The following TMEM245 variants were observed in gnomAD, a reference collection of about 807,000 sequenced individuals.
TMEM245 encodes the protein transmembrane protein 245.
A neutral mutation model predicts 101.2 loss-of-function variants in TMEM245; 69 were observed. The observed-to-expected ratio is 0.68, with a 90% CI of 0.56 to 0.83. TMEM245 has a LOEUF of 0.83. Ranked by LOEUF, TMEM245 falls within the 40% of genes least tolerant of loss-of-function variation. The pLI, the probability that TMEM245 is intolerant of heterozygous loss-of-function variation, is 0.00. For missense variants in TMEM245, 1,075 were observed against 1,092.8 expected (o/e 0.98, Z 0.23); for synonymous variants, 537 against 449.8 (o/e 1.19, Z -2.45).
At chr9:109,078,135 T>C (rs1031528871) in intron 8 of TMEM245, among the ~76,000 whole-genome samples, 1 of 152,238 alleles carries the variant, frequency 6.6e-6, no homozygotes, top group Non-Finnish European at 1.5e-5. Flanking sequence ...CAAGTTAATA[T>C]TGACTTATAT....
At chr9:109,054,638 A>C (rs761502501) in intron 12 of TMEM245, among the ~76,000 whole-genome samples, 3 of 152,190 alleles carry the variant, frequency 2.0e-5, no homozygotes, top group Non-Finnish European at 2.9e-5. Flanking sequence ...AAAACTGACA[A>C]AGCAAATAAA....
rs201115413 is a variant in TMEM245 at position 109,073,344 on chromosome 9, C to T, written c.1532+12G>A. 507 of 1,603,544 alleles carry T rather than the reference C, an allele frequency of 3.2e-4. 1 individual carries two copies. The African/African-American group carries it at 5.7e-3, about 18-fold the overall frequency. On this transcript the variant is annotated intron_variant, in intron 9 of 17. Coordinates refer to ENST00000374586, the MANE Select transcript of TMEM245 (RefSeq NM_032012.4). ...CATTCATCTCTCTTCTTTTTCAAAA[C>T]AATATTCTTACTTTGCCCACTCAGG...
At position 109,033,364 on chromosome 9, in the gene TMEM245, C is replaced by G; in HGVS notation, c.2537G>C (p.Ser846Thr). Residue 846 changes from serine to threonine, a missense_variant, in exon 17 of 18, where the codon AGT (serine) becomes ACT (threonine). Physicochemically the swap from Ser to Thr is moderately conservative, Grantham distance 58. Around this residue, in one of 2 missense-constraint regions of TMEM245, gnomAD observed 267 missense variants for 351.3 expected, o/e 0.76. Coordinates refer to ENST00000374586, the MANE Select transcript of TMEM245 (RefSeq NM_032012.4). ...TGGCGTGGGAACTGAATTCGTGGGACTCACTAGCATGGCACTATAGATATT... is the reference window on the plus strand; with the variant it reads ...TGGCGTGGGAACTGAATTCGTGGGAGTCACTAGCATGGCACTATAGATATT... ...ASNIYSAMLV[S>T]PTNSVPTPNQ... 1 of 1,613,868 alleles carries G rather than the reference C, an allele frequency of 6.2e-7. No homozygotes were observed. Among genetic ancestry groups the G allele is most frequent in the Non-Finnish European group, 8.5e-7 (1 of 1,179,912 alleles).
At chr9:109,103,976 T>C (rs905134917) in intron 3 of TMEM245, among the ~76,000 whole-genome samples, 3 of 151,742 alleles carry the variant, frequency 2.0e-5, no homozygotes, top group Admixed American at 6.6e-5. Context: ...TCCCAGCTAC[T>C]CGGGAGGCTG....
chr9:109,072,164 GAA>G (rs1288761403), intron 9 of TMEM245, among the ~76,000 whole-genome samples: 1 of 152,156 alleles, frequency 6.6e-6, no homozygotes, highest in South Asian at 2.1e-4. Flanking sequence ...CCTCTGAGTA[GAA>G]AAGTCTCCGA....
rs781550835 is a variant in TMEM245, at chr9:109,015,278, T to C, written c.*5182A>G. On this transcript the variant is annotated 3_prime_UTR_variant, in exon 18 of 18. Coordinates refer to ENST00000374586, the MANE Select transcript of TMEM245 (RefSeq NM_032012.4). ...TTTGTGTGAGAACAGAGGGTATTTA[T>C]TGTATTCGAATATTCTTTTTTACTT... The C allele has an allele frequency of 2.0e-5, 3 of 152,222 alleles. No homozygotes were observed. Among genetic ancestry groups the C allele is most frequent in the Non-Finnish European group, 4.4e-5 (3 of 68,036 alleles). 9.4% of individuals were successfully genotyped at this position (152,222 alleles called of 1,614,324 possible).
intron 9 of TMEM245, among the ~76,000 whole-genome samples, chr9:109,065,622 G>T (rs1259547369): frequency 6.6e-6 from 1 of 152,114 alleles, no homozygotes; most frequent in South Asian, 2.1e-4. Flanking sequence ...GACTAAGCAG[G>T]CTGTACCATA....
chr9:109,085,911 C>T, intron 7 of TMEM245, 86 bp downstream of exon 7: 3 of 1,442,428 alleles, frequency 2.1e-6, no homozygotes, highest in South Asian at 2.3e-5. Context: ...TAGTTTGACA[C>T]ATGGACAGAA....
chr9:109,073,425 C>T lies in TMEM245; in HGVS notation c.1463G>A (p.Ser488Asn), dbSNP rs1282567023. 3 of 1,608,492 alleles carry T rather than the reference C, an allele frequency of 1.9e-6. No individual in the cohort carries two copies. Among genetic ancestry groups the T allele is most frequent in the Non-Finnish European group, 2.6e-6 (3 of 1,176,000 alleles). ...ACTTGTGACTTCAATCATGTGTACACTCTCTTGATGTACCTGTATTACAGA... is the reference window on the plus strand; with the variant it reads ...ACTTGTGACTTCAATCATGTGTACATTCTCTTGATGTACCTGTATTACAGA... ...LLLTAKVHQE[S>N]VHMIEVTSNL... The change falls in exon 9 of 18, where the codon AGT becomes AAT. Residue 488 changes from serine (S) to asparagine (N), a missense_variant. By Grantham distance (46) the Ser-to-Asn change is conservative. Transcript: ENST00000374586.
At chr9:109,028,021 C>G (rs1348110412) in intron 17 of TMEM245, among the ~76,000 whole-genome samples, 1 of 152,104 alleles carries the variant, frequency 6.6e-6, no homozygotes, top group Non-Finnish European at 1.5e-5. Flanking sequence ...CAAACACCTT[C>G]AATACCTGAT....
chr9:109,119,925 C>A lies in TMEM245; in HGVS notation c.-12G>T. 2 of 1,288,912 alleles carry A rather than the reference C, an allele frequency of 1.6e-6. No homozygotes were observed. The highest frequency in any genetic ancestry group is 3.1e-5 in the South Asian group (1 of 32,654). 79.8% of individuals were successfully genotyped at this position (1,288,912 alleles called of 1,614,324 possible). A position where few individuals can be genotyped will look rare whatever the true frequency, so the allele number is the denominator to read the frequency against. On this transcript the variant is annotated 5_prime_UTR_variant, in exon 1 of 18. Transcript: ENST00000374586. ...CCGCCGTCGGCCATCGTTCCTCCGC[C>A]ACAGCCGCCCCCGAGGGGCGGTAAT...
chr9:109,109,249 A>G (rs1211239622), intron 1 of TMEM245, among the ~76,000 whole-genome samples: 2 of 152,168 alleles, frequency 1.3e-5, no homozygotes, highest in African/African-American at 4.8e-5. Context: ...TTCCTACACT[A>G]AAGTTAAATG....
intron 12 of TMEM245, among the ~76,000 whole-genome samples, chr9:109,056,440 C>CAAAAAAAA (rs753175633): frequency 1.1e-4 from 4 of 36,766 alleles, no homozygotes; most frequent in African/African-American, 3.5e-4. Flanking sequence ...ACTAAAAATG[C>CAAAAAAAA]AAAAAAAAAA....
At chr9:109,110,340 T>C (rs1830536591) in intron 1 of TMEM245, among the ~76,000 whole-genome samples, 1 of 152,170 alleles carries the variant, frequency 6.6e-6, no homozygotes, top group African/African-American at 2.4e-5. Flanking sequence ...ATGATCCTCA[T>C]TTTACACATG....
chr9:109,053,926 T>G (rs952699533), intron 12 of TMEM245, among the ~76,000 whole-genome samples: 3 of 152,202 alleles, frequency 2.0e-5, no homozygotes, highest in Non-Finnish European at 4.4e-5. Flanking sequence ...ATGGACCACA[T>G]GAGCTCTGCT....
rs753224089 is a variant in TMEM245, at chr9:109,119,437, C to T, written c.477G>A (p.Leu159=). The stretch of plus-strand genomic sequence containing the variant: ...AGCTGCCGAGGCAGTAGAGGCCGTA[C>T]AGGAGCGGGCCGCCGGCGCCGAGCA... ...LLLLGAGGPL[L]YGLYCLGSYL... The change falls in exon 1 of 18, where the codon CTG becomes CTA. Residue 159 remains leucine (L), a synonymous_variant. Coordinates refer to ENST00000374586, the MANE Select transcript of TMEM245 (RefSeq NM_032012.4). 1.3e-6 allele frequency: 2 copies of T among 1,510,446 alleles called. No homozygotes were observed. Among genetic ancestry groups the T allele is most frequent in the Non-Finnish European group, 8.8e-7 (1 of 1,136,142 alleles). The allele number at this position is 1,510,446 out of a possible 1,614,324, so 93.6% of individuals were successfully genotyped here.
Position 109,050,177 on chromosome 9 carries a change from C to T in TMEM245, c.2123+106G>A, listed in dbSNP as rs1018506484. ...AAACCTTGAAAATACCAGAGTCCATCACGAGTTTAGCACTGAATGTTATCA... is the reference window on the plus strand; with the variant it reads ...AAACCTTGAAAATACCAGAGTCCATTACGAGTTTAGCACTGAATGTTATCA... On this transcript the variant is annotated intron_variant, in intron 14 of 17. Coordinates refer to ENST00000374586, the MANE Select transcript of TMEM245 (RefSeq NM_032012.4). 7 of 1,279,072 alleles carry T rather than the reference C, an allele frequency of 5.5e-6. No individual in the cohort carries two copies. In the African/African-American group the frequency reaches 7.6e-5, roughly 14 times the overall value. 79.2% of individuals were successfully genotyped at this position (1,279,072 alleles called of 1,614,324 possible). A position where few individuals can be genotyped will look rare whatever the true frequency, so the allele number is the denominator to read the frequency against.
intron 17 of TMEM245, among the ~76,000 whole-genome samples, chr9:109,026,589 AG>A (rs1425159067): frequency 6.6e-6 from 1 of 151,422 alleles, no homozygotes; most frequent in East Asian, 1.9e-4. Context: ...GAAAAAAAAA[AG>A]AACTAAGAGG....
At chr9:109,022,961 G>A (rs1241966569) in intron 17 of TMEM245, among the ~76,000 whole-genome samples, 1 of 152,210 alleles carries the variant, frequency 6.6e-6, no homozygotes, top group Admixed American at 6.5e-5. Flanking sequence ...TCAGGGCAAA[G>A]ACACATTAAA....
Sources: allele counts gnomAD v4.1 joint callset (sites outside exome capture counted in the v4.1 genomes callset), GRCh38; gene constraint gnomAD v4.1.1; regional missense constraint gnomAD v4.1.1; transcripts MANE v1.5; gene names NCBI Gene and HGNC (gene_info 2026-07-23, HGNC 2026-07-21).